The following STAU1 variants were observed in gnomAD, a reference collection of about 807,000 sequenced individuals.
STAU1 encodes the protein staufen double-stranded RNA binding protein 1, also known as double-stranded RNA-binding protein Staufen homolog 1.
In STAU1, 13 loss-of-function variants were observed where a neutral mutation model predicts 62.9. That is an observed-to-expected ratio of 0.21 (90% CI 0.13 to 0.33). STAU1 has a LOEUF of 0.33. Ranked by LOEUF, STAU1 falls within the 10% of genes least tolerant of loss-of-function variation. The pLI is 1.00. For synonymous variants in STAU1, 269 were observed against 265.1 expected, an observed-to-expected ratio of 1.01 and a Z score of -0.14; for missense variants, 571 against 712.1, an observed-to-expected ratio of 0.80 and a Z score of 2.25.
chr20:49,169,232 G>A lies in STAU1; in HGVS notation c.-84-2947C>T, dbSNP rs145927459. 6.5e-3 allele frequency among the ~76,000 whole-genome samples: 988 copies of A among 152,238 alleles called. 6 individuals are homozygous for A. Among genetic ancestry groups the A allele is most frequent in the Middle Eastern group, 0.034 (10 of 294 alleles). ...CCCTAAGTGCTAGGATTACAGGCAT[G>A]AGCCACTGCGCCTGGCCTGATGCTA... On this transcript the variant is annotated intron_variant, in intron 2 of 13. Coordinates refer to ENST00000371856, the MANE Select transcript of STAU1 (RefSeq NM_017453.4).
intron 5 of STAU1, among the ~76,000 whole-genome samples, chr20:49,142,387 CA>C (rs936659867): frequency 9.2e-5 from 14 of 151,366 alleles, no homozygotes; most frequent in South Asian, 4.2e-4. Context: ...CGTGCCCAGC[CA>C]AAAAAAAATT....
At position 49,181,763 on chromosome 20, in the gene STAU1, C is replaced by CAAAAA. The variant is rs1309573018; in HGVS notation, c.-160+6352_-160+6353insTTTTT. Among the ~76,000 whole-genome samples, 140 of 66,706 alleles carry CAAAAA rather than the reference C, an allele frequency of 2.1e-3. 35 individuals carry two copies. The highest frequency in any genetic ancestry group is 3.0e-3 in the Non-Finnish European group (109 of 35,814). The allele number at this position is 66,706 out of a possible 152,430, so 43.8% of individuals were successfully genotyped here. ...CCTGGGCAACAGAGCAAGACTATCTCAACAAAAAAAAAAAAAAAAAAAAAA... is the reference window on the plus strand; with the variant it reads ...CCTGGGCAACAGAGCAAGACTATCTCAAAAAAACAAAAAAAAAAAAAAAAAAAAAA... On this transcript the variant is annotated intron_variant, in intron 1 of 13. Transcript: ENST00000371856.
chr20:49,161,159 G>C (rs2093442044), intron 3 of STAU1, among the ~76,000 whole-genome samples: 1 of 148,204 alleles, frequency 6.7e-6, no homozygotes, highest in African/African-American at 2.5e-5. Context: ...TCTCCACAAA[G>C]AATTAAAAAA....
At chr20:49,163,383 C>T (rs1600805279) in intron 3 of STAU1, among the ~76,000 whole-genome samples, 1 of 129,134 alleles carries the variant, frequency 7.7e-6, no homozygotes. Context: ...AGTTTCTTGT[C>T]TATAATATTT....
chr20:49,129,444 T>C (rs1409600533), intron 6 of STAU1, among the ~76,000 whole-genome samples: 1 of 151,266 alleles, frequency 6.6e-6, no homozygotes, highest in Non-Finnish European at 1.5e-5. Flanking sequence ...CACACAACCA[T>C]GCCCACCTAA....
chr20:49,163,477 G>A (rs886412039), intron 3 of STAU1, among the ~76,000 whole-genome samples: 2 of 134,362 alleles, frequency 1.5e-5, no homozygotes, highest in African/African-American at 2.9e-5. Flanking sequence ...CCAGACTGGA[G>A]TGCGGTGACA....
intron 3 of STAU1, 113 bp from the exon 4 acceptor site, chr20:49,154,184 A>C: frequency 8.6e-7 from 1 of 1,161,270 alleles, no homozygotes; most frequent in African/African-American, 1.6e-5. Context: ...ACTTTACATA[A>C]AAGGACCTGG....
the STAU1 span, among the ~76,000 whole-genome samples, chr20:49,195,925 G>GAAAAAAAAAAAAA: frequency 1.1e-5 from 1 of 93,724 alleles, no homozygotes; most frequent in African/African-American, 3.6e-5. Flanking sequence ...AAAGAAAAAA[G>GAAAAAAAAAAAAA]AAAAAAAAAA....
chr20:49,129,585 G>A (rs1228791413), intron 6 of STAU1, among the ~76,000 whole-genome samples: 1 of 150,694 alleles, frequency 6.6e-6, no homozygotes, highest in East Asian at 1.9e-4. Context: ...TATATTGCAG[G>A]TGAAATGCAC....
At chr20:49,174,489 G>A (rs998586258) in intron 1 of STAU1, among the ~76,000 whole-genome samples, 2 of 152,168 alleles carry the variant, frequency 1.3e-5, no homozygotes, top group African/African-American at 4.8e-5. Context: ...GGAGGCCGAG[G>A]CGGGCAGACC....
intron 3 of STAU1, among the ~76,000 whole-genome samples, chr20:49,163,254 A>AG (rs2093476519): frequency 6.6e-6 from 1 of 151,256 alleles, no homozygotes; most frequent in African/African-American, 2.4e-5. Flanking sequence ...TGTTGCAGGG[A>AG]GGGTGTTGGG....
chr20:49,160,071 A>AT (rs2093425088), intron 3 of STAU1, among the ~76,000 whole-genome samples: 1 of 152,248 alleles, frequency 6.6e-6, no homozygotes, highest in Non-Finnish European at 1.5e-5. Context: ...ACAGGTTAAC[A>AT]TATATGCTCT....
At chr20:49,191,947 C>A (rs1044770300), upstream of STAU1, among the ~76,000 whole-genome samples, 7 of 151,566 alleles carry the variant, frequency 4.6e-5, no homozygotes, top group African/African-American at 1.7e-4. Context: ...GGTACTCGGG[C>A]ATGTGAGGCA....
intron 6 of STAU1, among the ~76,000 whole-genome samples, chr20:49,125,218 AAAAAAAC>A (rs2092576722): frequency 1.4e-5 from 2 of 146,718 alleles, no homozygotes; most frequent in African/African-American, 5.0e-5. Flanking sequence ...AAAAAAAAAA[AAAAAAAC>A]GAAGGATAAA....
At chr20:49,158,422 G>C in intron 3 of STAU1, 1 of 1,303,996 alleles carries the variant, frequency 7.7e-7, no homozygotes, top group South Asian at 1.2e-5. Context: ...TGCCTTAAGG[G>C]GTGAGGCAAC....
In STAU1 at chr20:49,117,212, C is replaced by T. The variant is rs771314532; in HGVS notation, c.1546G>A (p.Glu516Lys). Reference protein sequence around the residue: ...YKDFPKNNKNEFVSLINCSSQ... With the variant: ...YKDFPKNNKNKFVSLINCSSQ... The stretch of plus-strand genomic sequence containing the variant: ...GAGCAATTGATAAGAGATACAAATT[C>T]GTTCTTGTTGTTTTTGGGGAAGTCT... The change falls in exon 12 of 14, where the codon GAA (glutamate) becomes AAA (lysine). Residue 516 changes from glutamate to lysine, a missense_variant. Around this residue, in one of 3 missense-constraint regions of STAU1, gnomAD observed 156 missense variants for 194.7 expected, o/e 0.80. Transcript: ENST00000371856. This position sits in a 1 kb window ranked among gnomAD's most constrained non-coding sequence, Gnocchi z 4.6. 9 of 1,613,982 alleles carry T rather than the reference C, an allele frequency of 5.6e-6. No individual in the cohort carries two copies. The highest frequency in any genetic ancestry group is 3.3e-5 in the South Asian group (3 of 91,076).
chr20:49,206,749 A>ATT, the STAU1 span, among the ~76,000 whole-genome samples: 1 of 73,154 alleles, frequency 1.4e-5, no homozygotes, highest in African/African-American at 5.3e-5. Flanking sequence ...ATATATATAT[A>ATT]TATTTTATTT....
intron 2 of STAU1, among the ~76,000 whole-genome samples, chr20:49,167,225 A>T (rs1381011777): frequency 7.5e-6 from 1 of 133,572 alleles, no homozygotes; most frequent in African/African-American, 2.4e-5. Context: ...GTACTTAAAA[A>T]TAACCAGTGG....
At chr20:49,217,418 CG>C in the STAU1 span, among the ~76,000 whole-genome samples, 1 of 152,032 alleles carries the variant, frequency 6.6e-6, no homozygotes, top group African/African-American at 2.4e-5. Context: ...ACCGTAATAA[CG>C]GGCACAGCTT....
Sources: allele counts gnomAD v4.1 joint callset (sites outside exome capture counted in the v4.1 genomes callset), GRCh38; gene constraint gnomAD v4.1.1; regional missense constraint gnomAD v4.1.1; non-coding constraint Gnocchi (gnomAD v3.1); transcripts MANE v1.5; gene names NCBI Gene and HGNC (gene_info 2026-07-23, HGNC 2026-07-21).